The following CLIP1 variants were observed in gnomAD, a reference collection of about 807,000 sequenced individuals.
CLIP1 encodes CAP-Gly domain-containing linker protein 1.
Under a neutral mutation model 161.6 loss-of-function variants are expected in CLIP1, and 66 were observed. That is an observed-to-expected ratio of 0.41 (90% confidence interval 0.33 to 0.50). The LOEUF is 0.50. CLIP1 is among the 20% of genes least tolerant of loss of function. The pLI, the probability that CLIP1 is intolerant of heterozygous loss-of-function variation, is 0.27. For missense variants in CLIP1, 1,376 were observed against 1,702.0 expected (o/e 0.81, Z 3.37); for synonymous variants, 598 against 626.2 (o/e 0.96, Z 0.67).
Position 122,361,273 on chromosome 12 carries a change from G to A in CLIP1, c.783-92C>T, listed in dbSNP as rs549662211. On this transcript the variant is annotated intron_variant, in intron 4 of 25. Transcript: ENST00000620786. Reference sequence around the variant, plus strand: ...AAGGTTCTCCCAACTCCTAACTTACGGTTGGATTCCTGGAAATTCTACAGC... The same window carrying A: ...AAGGTTCTCCCAACTCCTAACTTACAGTTGGATTCCTGGAAATTCTACAGC... 1.3e-4 allele frequency: 146 copies of A among 1,093,816 alleles called. No individual in the cohort carries two copies. The Middle Eastern group carries it at 2.0e-3, about 15-fold the overall frequency. 67.8% of individuals were successfully genotyped at this position (1,093,816 alleles called of 1,614,324 possible).
chr12:122,387,567 TATATATATATATA>T (rs1955350550), intron 1 of CLIP1, among the ~76,000 whole-genome samples: 2 of 21,222 alleles, frequency 9.4e-5, no homozygotes, highest in African/African-American at 1.4e-4. Flanking sequence ...TATATATATA[TATATATATATATA>T]TATATATATA....
intron 3 of CLIP1, among the ~76,000 whole-genome samples, chr12:122,370,828 C>T (rs907664243): frequency 3.3e-5 from 5 of 151,948 alleles, no homozygotes; most frequent in African/African-American, 1.2e-4. Flanking sequence ...AAGGGTAATG[C>T]ATGCCTGTAA....
Position 122,311,518 on chromosome 12 carries a change from A to G in CLIP1, c.3474-1636T>C, listed in dbSNP as rs1047611633. On this transcript the variant is annotated intron_variant, in intron 19 of 25. Coordinates refer to ENST00000620786, the MANE Select transcript of CLIP1 (RefSeq NM_001247997.2). This position sits in a 1 kb window ranked among gnomAD's most constrained non-coding sequence, Gnocchi z 4.3. ...CGGCTCACTGCAAGCTCCACCTCCC[A>G]GGTTCACGCCATTCTCCTGCCTCAG... is the stretch of plus-strand genomic sequence containing the variant. 6.6e-6 allele frequency among the ~76,000 whole-genome samples: 1 copy of G among 151,386 alleles called. No individual in the cohort carries two copies. Among genetic ancestry groups the G allele is most frequent in the Non-Finnish European group, 1.5e-5 (1 of 67,896 alleles).
intron 1 of CLIP1, among the ~76,000 whole-genome samples, chr12:122,394,215 C>T (rs1194705459): frequency 2.0e-5 from 3 of 151,994 alleles, no homozygotes; most frequent in African/African-American, 7.2e-5. Context: ...AGGGGCCGGG[C>T]GTGGTGGCTC....
In CLIP1 at chr12:122,380,432, A is replaced by C; in HGVS notation, c.21T>G (p.Ser7Arg). 6.2e-7 allele frequency: 1 copy of C among 1,613,048 alleles called. No individual in the cohort carries two copies. Among genetic ancestry groups the C allele is most frequent in the Non-Finnish European group, 8.5e-7 (1 of 1,179,396 alleles). Residue 7 changes from serine (S) to arginine (R), a missense_variant, in exon 2 of 26, where the codon AGT becomes AGG. Ser to Arg is a moderately radical substitution (Grantham distance 110). Around this residue, in one of 6 missense-constraint regions of CLIP1, gnomAD observed 66 missense variants for 67.8 expected, o/e 0.97. Transcript: ENST00000620786. MSMLKP[S>R]GLKAPTKILK... ...GGATCTTGGTGGGGGCCTTAAGCCC[A>C]CTTGGCTTTAGCATACTCATTTTCT...
At chr12:122,302,494 C>T (rs946448617) in intron 20 of CLIP1, among the ~76,000 whole-genome samples, 2 of 152,154 alleles carry the variant, frequency 1.3e-5, no homozygotes, top group Non-Finnish European at 2.9e-5. Context: ...AATGGGTCCC[C>T]CTACTGGGTT....
At chr12:122,325,740 G>A (rs935336721) in intron 17 of CLIP1, among the ~76,000 whole-genome samples, 2 of 152,042 alleles carry the variant, frequency 1.3e-5, no homozygotes, top group African/African-American at 2.4e-5. Context: ...TGCAGCCTCC[G>A]CCTCCCAGGC....
chr12:122,398,338 T>C (rs892792693), intron 1 of CLIP1, among the ~76,000 whole-genome samples: 1 of 146,620 alleles, frequency 6.8e-6, no homozygotes, highest in Non-Finnish European at 1.5e-5. Context: ...CTGAGGAGAA[T>C]AGCTTGAACC....
At position 122,341,814 on chromosome 12, in the gene CLIP1, G is replaced by A. The variant is rs7398694; in HGVS notation, c.1507-117C>T. 1.6e-4 allele frequency: 93 copies of A among 570,092 alleles called. 5 individuals carry two copies. In the South Asian group the frequency reaches 2.2e-3, roughly 13 times the overall value. 35.3% of individuals were successfully genotyped at this position (570,092 alleles called of 1,614,324 possible). ...TTTTTTTTTTTTGAGATGGAGTTTC[G>A]CTCTTCTTACCCAGGCTGGAGTACA... On this transcript the variant is annotated intron_variant, in intron 10 of 25. Coordinates refer to ENST00000620786, the MANE Select transcript of CLIP1 (RefSeq NM_001247997.2).
intron 14 of CLIP1, among the ~76,000 whole-genome samples, chr12:122,333,775 C>T (rs1952092299): frequency 6.6e-6 from 1 of 152,146 alleles, no homozygotes; most frequent in South Asian, 2.1e-4. Context: ...GAAAGATGGC[C>T]GTTGGCTTGG....
At chr12:122,380,140 G>A (rs538232396) in intron 2 of CLIP1, among the ~76,000 whole-genome samples, 2 of 151,754 alleles carry the variant, frequency 1.3e-5, no homozygotes, top group Admixed American at 6.6e-5. Flanking sequence ...CTACTTGGGA[G>A]GCTGAGGCAG....
At chr12:122,389,642 C>A (rs1472419024) in intron 1 of CLIP1, among the ~76,000 whole-genome samples, 2 of 149,756 alleles carry the variant, frequency 1.3e-5, no homozygotes, top group Admixed American at 1.3e-4. Context: ...GCCTGTAGGC[C>A]CAGCTACTTA....
At chr12:122,358,744 T>TGA (rs1953628965) in intron 5 of CLIP1, among the ~76,000 whole-genome samples, 1 of 144,196 alleles carries the variant, frequency 6.9e-6, no homozygotes, top group South Asian at 2.1e-4. Context: ...TAGTTGACTT[T>TGA]AAAAAAAAAA....
At chr12:122,280,993 C>G (rs913431333) in intron 21 of CLIP1, 8 of 152,168 alleles carry the variant, frequency 5.3e-5, no homozygotes, top group Non-Finnish European at 1.2e-4. Context: ...AAAACTGAGG[C>G]CCAGGTTAGA....
In CLIP1 at chr12:122,341,757, CTTTTCTTTTTTTTTTTTTTTT is replaced by C. The variant is rs1186540079; in HGVS notation, c.1507-81_1507-61del. ...TAAATAACAAGTCATTGACTATTTTCTTTTCTTTTTTTTTTTTTTTTTTTTTTTTTTTTTTTTTTTTTTGAG... is the reference window on the plus strand; with the variant it reads ...TAAATAACAAGTCATTGACTATTTTCTTTTTTTTTTTTTTTTTTTTTTGAG... On this transcript the variant is annotated intron_variant, in intron 10 of 25. Coordinates refer to ENST00000620786, the MANE Select transcript of CLIP1 (RefSeq NM_001247997.2). The C allele has an allele frequency of 3.4e-5, 3 of 89,260 alleles. No individual in the cohort carries two copies. In the East Asian group the frequency reaches 4.8e-4, roughly 14 times the overall value. The allele number at this position is 89,260 out of a possible 1,614,324, so 5.5% of individuals were successfully genotyped here.
chr12:122,389,758 C>CAAAAAAAAAAAAA lies in CLIP1; in HGVS notation c.-106-9213_-106-9201dup, dbSNP rs57168188. On this transcript the variant is annotated intron_variant, in intron 1 of 25. Coordinates refer to ENST00000620786, the MANE Select transcript of CLIP1 (RefSeq NM_001247997.2). ...AGGAGAGCAGAATGAGATCCTGTCT[C>CAAAAAAAAAAAAA]AAAAAAAAAAAAAAAAAAAAAAAAA... Among the ~76,000 whole-genome samples, 121 of 69,244 alleles carry CAAAAAAAAAAAAA rather than the reference C, an allele frequency of 1.7e-3. 12 individuals are homozygous for CAAAAAAAAAAAAA. The highest frequency in any genetic ancestry group is 2.2e-3 in the Non-Finnish European group (85 of 38,228). 45.4% of individuals were successfully genotyped at this position (69,244 alleles called of 152,430 possible). A position where few individuals can be genotyped will look rare whatever the true frequency, so the allele number is the denominator to read the frequency against.
intron 1 of CLIP1, among the ~76,000 whole-genome samples, chr12:122,413,467 T>C (rs1275739014): frequency 3.9e-5 from 6 of 152,172 alleles, no homozygotes; most frequent in Non-Finnish European, 7.3e-5. Flanking sequence ...CTCGGCAATT[T>C]TAAGTGTTAA....
At chr12:122,382,323 T>C (rs1032770825) in intron 1 of CLIP1, among the ~76,000 whole-genome samples, 2 of 148,868 alleles carry the variant, frequency 1.3e-5, no homozygotes, top group Non-Finnish European at 3.0e-5. Context: ...GTTGTGCCAT[T>C]GCACTCCCGC....
rs150046111 is a variant in CLIP1 at position 122,333,972 on chromosome 12, G to C, written c.2710+55C>G. 36 of 1,077,720 alleles carry C rather than the reference G, an allele frequency of 3.3e-5. No individual in the cohort carries two copies. The East Asian group carries it at 5.5e-4, about 16-fold the overall frequency. 66.8% of individuals were successfully genotyped at this position (1,077,720 alleles called of 1,614,324 possible). A position where few individuals can be genotyped will look rare whatever the true frequency, so the allele number is the denominator to read the frequency against. On this transcript the variant is annotated intron_variant, in intron 14 of 25. Coordinates refer to ENST00000620786, the MANE Select transcript of CLIP1 (RefSeq NM_001247997.2). ...TTATGTAACATACTACAACTGTCTC[G>C]AATACGGGAAAGCCTACTGTATTTA... is the stretch of plus-strand genomic sequence containing the variant.
Sources: allele counts gnomAD v4.1 joint callset (sites outside exome capture counted in the v4.1 genomes callset), GRCh38; gene constraint gnomAD v4.1.1; regional missense constraint gnomAD v4.1.1; non-coding constraint Gnocchi (gnomAD v3.1); transcripts MANE v1.5; gene names NCBI Gene and HGNC (gene_info 2026-07-23, HGNC 2026-07-21).